EFNA5: variants seen among roughly 807,000 people sequenced by gnomAD.
EFNA5 encodes ephrin-A5.
Under a neutral mutation model 22.9 loss-of-function variants are expected in EFNA5, and 5 were observed. That is an observed-to-expected ratio of 0.22 (90% CI 0.11 to 0.46). EFNA5 has a LOEUF of 0.46. Ranked by LOEUF, EFNA5 falls within the 20% of genes least tolerant of loss-of-function variation. The pLI is 0.99. For synonymous variants in EFNA5, 113 were observed against 112.2 expected (o/e 1.01, Z -0.04); for missense variants, 237 against 293.3 (o/e 0.81, Z 1.40).
chr5:107,553,476 C>T (rs1748342893), intron 1 of EFNA5, among the ~76,000 whole-genome samples: 1 of 152,206 alleles, frequency 6.6e-6, no homozygotes, highest in South Asian at 2.1e-4. Flanking sequence ...AAGGCAAACC[C>T]ATCCATTAGA....
At chr5:107,634,480 C>T (rs982203943) in intron 1 of EFNA5, among the ~76,000 whole-genome samples, 1 of 112,690 alleles carries the variant, frequency 8.9e-6, no homozygotes, top group Non-Finnish European at 2.2e-5. Flanking sequence ...GGCGCCACTG[C>T]ACTGTAGCCT....
At chr5:107,518,581 C>A (rs113248268) in intron 1 of EFNA5, among the ~76,000 whole-genome samples, 5,200 of 147,480 alleles carry the variant, frequency 0.035, 273 homozygotes, top group African/African-American at 0.12. Flanking sequence ...TACACCATGC[C>A]AAAAAAAAAA....
chr5:107,632,260 C>T (rs557644170), intron 1 of EFNA5, among the ~76,000 whole-genome samples: 39 of 152,112 alleles, frequency 2.6e-4, no homozygotes, highest in African/African-American at 9.4e-4. Flanking sequence ...ACTTGCTTTC[C>T]GCTGCTCCCT....
intron 1 of EFNA5, among the ~76,000 whole-genome samples, chr5:107,525,148 T>G (rs1035272463): frequency 6.6e-6 from 1 of 152,182 alleles, no homozygotes; most frequent in African/African-American, 2.4e-5. Flanking sequence ...CTGTTTCTTA[T>G]GTAAAAATGA....
intron 1 of EFNA5, among the ~76,000 whole-genome samples, chr5:107,556,670 G>A (rs890996048): frequency 2.6e-5 from 4 of 151,888 alleles, no homozygotes; most frequent in East Asian, 1.9e-4. Context: ...CGCTTCAACC[G>A]GGGAGGCGGG....
intron 1 of EFNA5, among the ~76,000 whole-genome samples, chr5:107,606,062 G>C (rs553574910): frequency 6.6e-6 from 1 of 152,308 alleles, no homozygotes; most frequent in East Asian, 1.9e-4. Flanking sequence ...GGGCCCACAT[G>C]CTCCAAATCA....
intron 1 of EFNA5, among the ~76,000 whole-genome samples, chr5:107,468,530 T>G (rs1160612711): frequency 6.6e-6 from 1 of 152,160 alleles, no homozygotes; most frequent in Non-Finnish European, 1.5e-5. Flanking sequence ...CAGGTGACTG[T>G]CCTTAGAAGG....
intron 1 of EFNA5, among the ~76,000 whole-genome samples, chr5:107,444,910 C>T (rs777738170): frequency 3.3e-5 from 5 of 151,926 alleles, no homozygotes; most frequent in Admixed American, 1.3e-4. Context: ...AAATGCTTAC[C>T]GTTTATGGGG....
chr5:107,427,421 C>A lies in EFNA5; in HGVS notation c.214G>T (p.Asp72Tyr). ...TAGAGGACATAGCGCTCAGTCTTATCTTCTGGGACGGAGTCCTCATAGTGA... is the reference window on the plus strand; with the variant it reads ...TAGAGGACATAGCGCTCAGTCTTATATTCTGGGACGGAGTCCTCATAGTGA... ...CPHYEDSVPE[D>Y]KTERYVLYMV... Residue 72 changes from aspartate to tyrosine, a missense_variant, in exon 2 of 5, where the codon GAT (aspartate) becomes TAT (tyrosine). Physicochemically the swap from Asp to Tyr is radical, Grantham distance 160. Around this residue, in one of 3 missense-constraint regions of EFNA5, gnomAD observed 120 missense variants for 140.5 expected, o/e 0.85. Transcript: ENST00000333274. 6.2e-7 allele frequency: 1 copy of A among 1,614,006 alleles called. No individual in the cohort carries two copies. Among genetic ancestry groups the A allele is most frequent in the Non-Finnish European group, 8.5e-7 (1 of 1,180,004 alleles).
intron 1 of EFNA5, among the ~76,000 whole-genome samples, chr5:107,608,889 T>TTC (rs1297267029): frequency 6.6e-6 from 1 of 152,196 alleles, no homozygotes; most frequent in African/African-American, 2.4e-5. Context: ...ACAGAACACT[T>TTC]TACTAGAATT....
At chr5:107,569,585 A>ATATT (rs1561436020) in intron 1 of EFNA5, among the ~76,000 whole-genome samples, 29 of 38,518 alleles carry the variant, frequency 7.5e-4, no homozygotes, top group South Asian at 3.0e-3. Context: ...ATATATATAT[A>ATATT]TATATATATA....
At chr5:107,604,504 T>G (rs1580555451) in intron 1 of EFNA5, among the ~76,000 whole-genome samples, 1 of 152,056 alleles carries the variant, frequency 6.6e-6, no homozygotes, top group African/African-American at 2.4e-5. Context: ...ATAACTTAAT[T>G]CAGCACACTG....
chr5:107,657,945 A>G (rs950754878), intron 1 of EFNA5, among the ~76,000 whole-genome samples: 6 of 152,304 alleles, frequency 3.9e-5, no homozygotes, highest in Non-Finnish European at 7.4e-5. Flanking sequence ...TTGCTTTGAA[A>G]AAGCAAATAA....
At chr5:107,481,194 C>T (rs1393225308) in intron 1 of EFNA5, among the ~76,000 whole-genome samples, 1 of 152,126 alleles carries the variant, frequency 6.6e-6, no homozygotes, top group African/African-American at 2.4e-5. Flanking sequence ...ATGAGAAAAA[C>T]CCTCGGTTCT....
At chr5:107,479,714 G>C (rs76152273) in intron 1 of EFNA5, among the ~76,000 whole-genome samples, 106 of 152,188 alleles carry the variant, frequency 7.0e-4, no homozygotes, top group African/African-American at 2.4e-3. Context: ...ACCTAACCAG[G>C]GGTTGAATGA....
At chr5:107,502,115 C>G (rs371698920) in intron 1 of EFNA5, among the ~76,000 whole-genome samples, 4 of 152,226 alleles carry the variant, frequency 2.6e-5, no homozygotes, top group South Asian at 4.1e-4. Flanking sequence ...CTTCACCCAA[C>G]GTAGGGCAGA....
intron 1 of EFNA5, among the ~76,000 whole-genome samples, chr5:107,428,688 C>A (rs758964161): frequency 4.6e-5 from 7 of 152,210 alleles, no homozygotes; most frequent in Non-Finnish European, 8.8e-5. Context: ...TGCTGAAATA[C>A]AATGCTCATA....
chr5:107,501,868 C>G (rs1209812224), intron 1 of EFNA5, among the ~76,000 whole-genome samples: 2 of 152,108 alleles, frequency 1.3e-5, no homozygotes, highest in Admixed American at 1.3e-4. Context: ...AATAATAGAA[C>G]TAGATGAAAA....
intron 1 of EFNA5, among the ~76,000 whole-genome samples, chr5:107,576,713 T>G (rs1399483099): frequency 6.6e-6 from 1 of 152,212 alleles, no homozygotes; most frequent in Non-Finnish European, 1.5e-5. Context: ...ATAAAGCTGC[T>G]AACACCCAAA....
Sources: gnomAD v4.1 joint callset for allele counts (sites outside exome capture counted in the v4.1 genomes callset) on GRCh38, gnomAD v4.1.1 for gene constraint, gnomAD v4.1.1 regional missense constraint, MANE v1.5 for transcripts, NCBI Gene and HGNC (gene_info 2026-07-23, HGNC 2026-07-21) for gene names.